BNIP2: variants seen among roughly 807,000 people sequenced by gnomAD.
The protein encoded by BNIP2 is BCL2/adenovirus E1B 19 kDa protein-interacting protein 2.
A neutral mutation model predicts 43.4 loss-of-function variants in BNIP2; 36 were observed. That is an observed-to-expected ratio of 0.83 (90% confidence interval 0.64 to 1.10). The LOEUF (loss-of-function observed/expected upper bound fraction) is 1.10. Among genes scored for constraint, BNIP2 ranks in the 50% least tolerant of loss-of-function variants. The pLI is 0.00. For synonymous variants in BNIP2, 146 were observed against 121.0 expected, an observed-to-expected ratio of 1.21 and a Z score of -1.35; for missense variants, 417 against 374.1, an observed-to-expected ratio of 1.11 and a Z score of -0.95.
At chr15:59,664,908 A>C (rs1209208917) in intron 9 of BNIP2, among the ~76,000 whole-genome samples, 1 of 152,204 alleles carries the variant, frequency 6.6e-6, no homozygotes, top group African/African-American at 2.4e-5. Flanking sequence ...TTATTCTCCA[A>C]AACTTATTGG....
intron 7 of BNIP2, among the ~76,000 whole-genome samples, chr15:59,670,290 G>C (rs1892818476): frequency 6.6e-6 from 1 of 152,176 alleles, no homozygotes; most frequent in Admixed American, 6.5e-5. Context: ...AATTAGCTGG[G>C]TGTGGTGGCA....
chr15:59,661,854 A>C lies in BNIP2; in HGVS notation c.*2215T>G, dbSNP rs1434306711. The C allele has an allele frequency of 2.6e-5, 4 of 152,190 alleles. No homozygotes were observed. The highest frequency in any genetic ancestry group is 4.8e-5 in the African/African-American group (2 of 41,458). 9.4% of individuals were successfully genotyped at this position (152,190 alleles called of 1,614,324 possible). Reference sequence around the variant, plus strand: ...ATTATGATCTTAAATCTTATAAAACATTTATTGTGGGTACATCTCTATACC... The same window carrying C: ...ATTATGATCTTAAATCTTATAAAACCTTTATTGTGGGTACATCTCTATACC... On this transcript the variant is annotated 3_prime_UTR_variant, in exon 10 of 10. Transcript: ENST00000607373.
At chr15:59,674,371 G>A (rs1227344755) in intron 5 of BNIP2, among the ~76,000 whole-genome samples, 1 of 152,068 alleles carries the variant, frequency 6.6e-6, no homozygotes, top group African/African-American at 2.4e-5. Flanking sequence ...AATAAAATAA[G>A]GTGGTCTTAT....
At chr15:59,672,785 T>G in intron 5 of BNIP2, 46 bp from the exon 6 acceptor site, 2 of 1,406,830 alleles carry the variant, frequency 1.4e-6, no homozygotes, top group Non-Finnish European at 2.0e-6. Flanking sequence ...ATTTTACTCT[T>G]AGGCATTTTT....
chr15:59,680,754 C>T (rs1020571420), intron 2 of BNIP2, among the ~76,000 whole-genome samples: 3 of 152,156 alleles, frequency 2.0e-5, no homozygotes, highest in Admixed American at 1.3e-4. Context: ...ACTACAGTGG[C>T]ACACCAACAT....
Position 59,663,955 on chromosome 15 carries a change from G to C in BNIP2, c.*114C>G. 1.2e-6 allele frequency: 1 copy of C among 824,080 alleles called. No homozygotes were observed. Among genetic ancestry groups the C allele is most frequent in the Non-Finnish European group, 1.8e-6 (1 of 549,130 alleles). 51.0% of individuals were successfully genotyped at this position (824,080 alleles called of 1,614,324 possible). A position where few individuals can be genotyped will look rare whatever the true frequency, so the allele number is the denominator to read the frequency against. Reference sequence around the variant, plus strand: ...CAAAAGTCCATTATGAAAAAGTCAAGTCTATTTTGTAACAGGTTACATAAA... The same window carrying C: ...CAAAAGTCCATTATGAAAAAGTCAACTCTATTTTGTAACAGGTTACATAAA... On this transcript the variant is annotated 3_prime_UTR_variant, in exon 10 of 10. Coordinates refer to ENST00000607373, the MANE Select transcript of BNIP2 (RefSeq NM_004330.4).
At chr15:59,680,135 T>C (rs944078339) in intron 3 of BNIP2, 106 bp downstream of exon 3, 42 of 922,206 alleles carry the variant, frequency 4.6e-5, no homozygotes, top group Middle Eastern at 2.9e-4. Context: ...TTGACTTCTA[T>C]GATGGAATAA....
intron 4 of BNIP2, 58 bp from the exon 5 acceptor site, chr15:59,678,145 A>G: frequency 2.6e-6 from 4 of 1,517,706 alleles, no homozygotes; most frequent in Middle Eastern, 3.5e-4. Flanking sequence ...ATCAAATTAT[A>G]CGTTAACCAC....
rs765726729 is a variant in BNIP2 at position 59,680,275 on chromosome 15, A to G, written c.84T>C (p.Asp28=). ...CCTCTGGTCCAGTTATAGCTAGTAT[A>G]TCTGCTTCAATACTATCATCTTCTG... ...PLPEDDSIEA[D]ILAITGPEDQ... is the part of the protein sequence containing the mutation. The change falls in exon 3 of 10, where the codon GAT becomes GAC. Residue 28 remains aspartate (D), a synonymous_variant. Transcript: ENST00000607373. 4 of 1,603,410 alleles carry G rather than the reference A, an allele frequency of 2.5e-6. No individual in the cohort carries two copies. The Admixed American group carries it at 6.8e-5, about 27-fold the overall frequency.
At chr15:59,685,447 G>A (rs1000219851) in intron 1 of BNIP2, among the ~76,000 whole-genome samples, 1 of 152,204 alleles carries the variant, frequency 6.6e-6, no homozygotes, top group Non-Finnish European at 1.5e-5. Context: ...GTTGCAGTGA[G>A]CTGAGATTGC....
intron 5 of BNIP2, chr15:59,676,707 G>A (rs966109397): frequency 5.5e-5 from 45 of 815,156 alleles, no homozygotes; most frequent in Non-Finnish European, 6.7e-5. Flanking sequence ...GGGCAGGCGA[G>A]CGCAGTGGAG....
Position 59,679,742 on chromosome 15 carries a change from C to G in BNIP2, c.145G>C (p.Val49Leu). The G allele has an allele frequency of 6.4e-7, 1 of 1,553,136 alleles. No individual in the cohort carries two copies. The highest frequency in any genetic ancestry group is 8.6e-7 in the Non-Finnish European group (1 of 1,157,030). ...PGSLEVNGNK[V>L]RKKLMAPDIS... ...TCTGGAGCCATTAGTTTCTTTCTCACTTTATTTCCATTAACTTCTAGTGAG... is the reference window on the plus strand; with the variant it reads ...TCTGGAGCCATTAGTTTCTTTCTCAGTTTATTTCCATTAACTTCTAGTGAG... The change falls in exon 4 of 10, where the codon GTG becomes CTG. Residue 49 changes from valine to leucine, a missense_variant. Val to Leu is a conservative substitution (Grantham distance 32). Coordinates refer to ENST00000607373, the MANE Select transcript of BNIP2 (RefSeq NM_004330.4).
intron 1 of BNIP2, among the ~76,000 whole-genome samples, chr15:59,684,536 ATACT>A (rs765515387): frequency 1.3e-5 from 2 of 152,196 alleles, no homozygotes; most frequent in Admixed American, 6.5e-5. Context: ...AATGGTGAAA[ATACT>A]TACTACTCTA....
chr15:59,676,500 A>C (rs1387075459), intron 5 of BNIP2, among the ~76,000 whole-genome samples: 1 of 152,106 alleles, frequency 6.6e-6, no homozygotes, highest in Non-Finnish European at 1.5e-5. Flanking sequence ...GACAGTTTTC[A>C]CTACAAATTC....
rs6151584 is a variant in BNIP2, at chr15:59,663,906, C to T, written c.*163G>A. On this transcript the variant is annotated 3_prime_UTR_variant, in exon 10 of 10. Coordinates refer to ENST00000607373, the MANE Select transcript of BNIP2 (RefSeq NM_004330.4). ...TCAAGAAATTTGCAAACCAGTACAGCAGTGAACAGTCCCTTGTATAATACA... is the reference window on the plus strand; with the variant it reads ...TCAAGAAATTTGCAAACCAGTACAGTAGTGAACAGTCCCTTGTATAATACA... 220 of 495,072 alleles carry T rather than the reference C, an allele frequency of 4.4e-4. 1 individual carries two copies. Among genetic ancestry groups the T allele is most frequent in the Middle Eastern group, 8.1e-4 (2 of 2,484 alleles). The allele number at this position is 495,072 out of a possible 1,614,324, so 30.7% of individuals were successfully genotyped here. A position where few individuals can be genotyped will look rare whatever the true frequency, so the allele number is the denominator to read the frequency against.
intron 1 of BNIP2, among the ~76,000 whole-genome samples, chr15:59,683,840 G>T (rs926851912): frequency 1.3e-5 from 2 of 152,148 alleles, no homozygotes; most frequent in Non-Finnish European, 2.9e-5. Context: ...GTGAAATGCA[G>T]AAAATGACTA....
chr15:59,680,154 G>GTTTTTT, intron 3 of BNIP2, 87 bp downstream of exon 3: 2 of 818,096 alleles, frequency 2.4e-6, no homozygotes, highest in Non-Finnish European at 3.4e-6. Context: ...AAAAACTCAA[G>GTTTTTT]TTTTTTTTTT....
At chr15:59,665,022 T>G (rs1383072940) in intron 9 of BNIP2, among the ~76,000 whole-genome samples, 1 of 152,176 alleles carries the variant, frequency 6.6e-6, no homozygotes, top group African/African-American at 2.4e-5. Flanking sequence ...TCCCAGCACT[T>G]TGGGAGGCCT....
At chr15:59,671,446 C>T in intron 6 of BNIP2, 132 bp from the exon 7 acceptor site, 1 of 653,356 alleles carries the variant, frequency 1.5e-6, no homozygotes, top group Non-Finnish European at 2.4e-6. Flanking sequence ...GCTCAAACCG[C>T]ATTAGCTAGT....
Sources: allele counts gnomAD v4.1 joint callset (sites outside exome capture counted in the v4.1 genomes callset), GRCh38; gene constraint gnomAD v4.1.1; transcripts MANE v1.5; gene names NCBI Gene and HGNC (gene_info 2026-07-23, HGNC 2026-07-21).